Variants in CNST observed in about 807,000 individuals in gnomAD.
The protein encoded by CNST is consortin.
In CNST, 39 loss-of-function variants were observed where a neutral mutation model predicts 72.4. The ratio of observed to expected loss-of-function variants is 0.54; its 90% CI spans 0.42 to 0.70. The LOEUF is 0.70. Among genes scored for constraint, CNST ranks in the 30% least tolerant of loss-of-function variants. CNST has a pLI of 0.00. For synonymous variants in CNST, 332 were observed against 320.1 expected (o/e 1.04, Z -0.40); for missense variants, 871 against 868.5 (o/e 1.00, Z -0.04).
chr1:246,617,042 C>G (rs1663755736), intron 2 of CNST, among the ~76,000 whole-genome samples: 1 of 152,162 alleles, frequency 6.6e-6, no homozygotes, highest in African/African-American at 2.4e-5. Flanking sequence ...CACAGCACAT[C>G]AGTCTAAGTA....
intron 2 of CNST, among the ~76,000 whole-genome samples, chr1:246,616,511 T>C (rs61852389): frequency 0.41 from 62,218 of 151,882 alleles, 13,514 homozygotes; most frequent in East Asian, 0.66. Flanking sequence ...TGAGTCATGA[T>C]TGGGCCACTG....
chr1:246,637,795 C>T (rs1321963924), intron 6 of CNST, among the ~76,000 whole-genome samples: 4 of 152,094 alleles, frequency 2.6e-5, no homozygotes, highest in African/African-American at 7.2e-5. Flanking sequence ...GAGTGTGAAA[C>T]GGGGAATTGT....
chr1:246,574,033 T>C (rs147951694), intron 1 of CNST, among the ~76,000 whole-genome samples: 1 of 152,304 alleles, frequency 6.6e-6, no homozygotes, highest in Admixed American at 6.5e-5. Flanking sequence ...ACAGAAGTAA[T>C]AATGCTCCAA....
chr1:246,649,422 C>A (rs1666328027), intron 9 of CNST, among the ~76,000 whole-genome samples: 1 of 152,108 alleles, frequency 6.6e-6, no homozygotes, highest in Admixed American at 6.5e-5. Context: ...ATCCGGTATT[C>A]ATTCTCTTGT....
intron 3 of CNST, among the ~76,000 whole-genome samples, chr1:246,623,634 C>T (rs749687093): frequency 5.3e-5 from 8 of 152,052 alleles, no homozygotes; most frequent in South Asian, 2.1e-4. Flanking sequence ...TGGTGGCACG[C>T]GCCTGTAGTC....
At chr1:246,602,442 A>G (rs569945697) in intron 2 of CNST, among the ~76,000 whole-genome samples, 3 of 152,304 alleles carry the variant, frequency 2.0e-5, no homozygotes, top group East Asian at 3.9e-4. Flanking sequence ...CCAAGGTCAC[A>G]TGGTTCTTGG....
chr1:246,633,832 C>A, intron 4 of CNST, 92 bp from the exon 5 acceptor site: 1 of 760,328 alleles, frequency 1.3e-6, no homozygotes, highest in African/African-American at 1.8e-5. Context: ...TAGTAAGCTG[C>A]AAATTTCTCA....
At position 246,621,536 on chromosome 1, in the gene CNST, C is replaced by G; in HGVS notation, c.487C>G (p.Pro163Ala). Residue 163 changes from proline (P) to alanine (A), a missense_variant, in exon 3 of 11, where the codon CCA becomes GCA. Coordinates refer to ENST00000366513, the MANE Select transcript of CNST (RefSeq NM_152609.3). The part of the protein sequence containing the change: ...EAAEVNANEQ[P>A]EAPKLVLQSL... ...TGCTGAAGTAAATGCTAATGAGCAG[C>G]CAGAGGCGCCAAAGCTTGTTCTGCA... is the stretch of plus-strand genomic sequence containing the variant. 1 of 1,614,120 alleles carries G rather than the reference C, an allele frequency of 6.2e-7. No individual in the cohort carries two copies. Among genetic ancestry groups the G allele is most frequent in the Middle Eastern group, 1.6e-4 (1 of 6,062 alleles).
At chr1:246,630,132 A>G (rs1317017626) in intron 3 of CNST, among the ~76,000 whole-genome samples, 2 of 152,246 alleles carry the variant, frequency 1.3e-5, no homozygotes, top group Non-Finnish European at 2.9e-5. Context: ...ACTGACGTCC[A>G]TCACATTGGT....
At chr1:246,574,320 C>T (rs981122459) in intron 1 of CNST, among the ~76,000 whole-genome samples, 7 of 152,284 alleles carry the variant, frequency 4.6e-5, no homozygotes, top group Non-Finnish European at 1.0e-4. Context: ...GGATTACAGG[C>T]GTGAGCCACC....
Position 246,591,685 on chromosome 1 carries a change from T to G in CNST, c.123T>G (p.Asn41Lys). ...CTTCTGCATCAGATGAAAATGAAAATCAGCTTGACGGGGACGGGCATGAGC... is the reference window on the plus strand; with the variant it reads ...CTTCTGCATCAGATGAAAATGAAAAGCAGCTTGACGGGGACGGGCATGAGC... ...CLPSASDENE[N>K]QLDGDGHEHL... Residue 41 changes from asparagine to lysine, a missense_variant, in exon 2 of 11, where the codon AAT becomes AAG. Transcript: ENST00000366513. The G allele has an allele frequency of 6.2e-7, 1 of 1,613,988 alleles. No individual in the cohort carries two copies. The highest frequency in any genetic ancestry group is 8.5e-7 in the Non-Finnish European group (1 of 1,180,016).
At chr1:246,653,733 T>A (rs1193513741) in intron 9 of CNST, among the ~76,000 whole-genome samples, 2 of 152,234 alleles carry the variant, frequency 1.3e-5, no homozygotes, top group East Asian at 1.9e-4. Flanking sequence ...TCCTTTTTAA[T>A]CACTCTTTTA....
chr1:246,625,414 C>CTTTTTTTTTTT (rs61588900), intron 3 of CNST, among the ~76,000 whole-genome samples: 2 of 56,100 alleles, frequency 3.6e-5, no homozygotes, highest in Non-Finnish European at 6.2e-5. Flanking sequence ...TTATTTCTTT[C>CTTTTTTTTTTT]TTTTTTTTTT....
intron 1 of CNST, among the ~76,000 whole-genome samples, chr1:246,590,957 T>C (rs367811996): frequency 4.6e-5 from 7 of 151,768 alleles, no homozygotes; most frequent in Admixed American, 6.6e-5. Context: ...AAAACGATAG[T>C]ATAAATATAT....
intron 1 of CNST, among the ~76,000 whole-genome samples, chr1:246,580,092 T>TACGAATG (rs1660687575): frequency 6.6e-6 from 1 of 152,200 alleles, no homozygotes; most frequent in Non-Finnish European, 1.5e-5. Context: ...TTCTGGTACT[T>TACGAATG]ACGAATGACG....
intron 1 of CNST, among the ~76,000 whole-genome samples, chr1:246,580,921 A>G (rs1034573419): frequency 2.0e-5 from 3 of 151,910 alleles, no homozygotes; most frequent in Non-Finnish European, 4.4e-5. Flanking sequence ...TTGTATTTTC[A>G]GTAGACGGGA....
intron 9 of CNST, among the ~76,000 whole-genome samples, chr1:246,648,417 ATGTACTTAC>A (rs1666256169): frequency 6.6e-6 from 1 of 152,178 alleles, no homozygotes; most frequent in Admixed American, 6.5e-5. Flanking sequence ...AAAATATGAT[ATGTACTTAC>A]TGTTTCTTCC....
chr1:246,613,233 A>C (rs1663452017), intron 2 of CNST, among the ~76,000 whole-genome samples: 1 of 152,196 alleles, frequency 6.6e-6, no homozygotes, highest in South Asian at 2.1e-4. Flanking sequence ...AAGCTATACT[A>C]TCTCACTTTT....
At chr1:246,620,640 G>A (rs537593234) in intron 2 of CNST, among the ~76,000 whole-genome samples, 10 of 136,198 alleles carry the variant, frequency 7.3e-5, no homozygotes, top group African/African-American at 2.8e-4. Context: ...CACTCTACAG[G>A]GAGGACGGCT....
Sources: gnomAD v4.1 joint callset for allele counts (sites outside exome capture counted in the v4.1 genomes callset) on GRCh38, gnomAD v4.1.1 for gene constraint, MANE v1.5 for transcripts, NCBI Gene and HGNC (gene_info 2026-07-23, HGNC 2026-07-21) for gene names.